SSBP2: variants seen among roughly 807,000 people sequenced by gnomAD.
The protein encoded by SSBP2 is single-stranded DNA-binding protein 2.
In SSBP2, 17 loss-of-function variants were observed where a neutral mutation model predicts 61.8. That is an observed-to-expected ratio of 0.28 (90% CI 0.19 to 0.41). SSBP2 has a LOEUF of 0.41. SSBP2 is among the 10% of genes least tolerant of loss of function. The pLI is 1.00. For synonymous variants in SSBP2, 139 were observed against 141.3 expected, an observed-to-expected ratio of 0.98 and a Z score of 0.12; for missense variants, 310 against 458.7, an observed-to-expected ratio of 0.68 and a Z score of 2.96.
intron 1 of SSBP2, among the ~76,000 whole-genome samples, chr5:81,715,606 C>T (rs1755117760): frequency 1.3e-5 from 2 of 151,968 alleles, no homozygotes; most frequent in Non-Finnish European, 2.9e-5. Flanking sequence ...AAACTGTGTA[C>T]AAGAAAGAAA....
chr5:81,660,976 G>C (rs558805897), intron 1 of SSBP2, among the ~76,000 whole-genome samples: 2 of 152,084 alleles, frequency 1.3e-5, no homozygotes, highest in African/African-American at 4.8e-5. Flanking sequence ...ATGGACACAG[G>C]GAGGAGAACA....
intron 11 of SSBP2, chr5:81,447,927 AGT>A (rs1763507672): frequency 6.6e-6 from 1 of 152,198 alleles, no homozygotes; most frequent in Non-Finnish European, 1.5e-5. Context: ...CTGAACACTA[AGT>A]TCACAGGTCC....
At chr5:81,452,169 TA>T (rs1027942478) in intron 10 of SSBP2, among the ~76,000 whole-genome samples, 1 of 152,178 alleles carries the variant, frequency 6.6e-6, no homozygotes, top group African/African-American at 2.4e-5. Context: ...GTGGGGCTTA[TA>T]GGGGGTTGTG....
chr5:81,687,062 T>A (rs1420390362), intron 1 of SSBP2, among the ~76,000 whole-genome samples: 1 of 152,098 alleles, frequency 6.6e-6, no homozygotes, highest in African/African-American at 2.4e-5. Context: ...TAACAGTACC[T>A]GGTTTTAACT....
At chr5:81,604,265 T>C (rs1238981362) in intron 4 of SSBP2, among the ~76,000 whole-genome samples, 2 of 151,614 alleles carry the variant, frequency 1.3e-5, no homozygotes, top group Admixed American at 1.3e-4. Context: ...CTTTTTTTTT[T>C]TTTTCTACAG....
At chr5:81,577,115 G>A (rs563311728) in intron 4 of SSBP2, among the ~76,000 whole-genome samples, 2 of 152,012 alleles carry the variant, frequency 1.3e-5, no homozygotes, top group Admixed American at 1.3e-4. Context: ...ATTTTTATAT[G>A]TTTACATGTA....
chr5:81,475,272 G>C (rs942029654), intron 6 of SSBP2, among the ~76,000 whole-genome samples: 1 of 151,930 alleles, frequency 6.6e-6, no homozygotes, highest in Non-Finnish European at 1.5e-5. Context: ...CCTGACAACT[G>C]GTGAGAATTT....
chr5:81,444,833 G>T (rs1166333253), intron 12 of SSBP2, among the ~76,000 whole-genome samples: 1 of 151,736 alleles, frequency 6.6e-6, no homozygotes, highest in Non-Finnish European at 1.5e-5. Context: ...GATAAGATTG[G>T]TATTTATGGC....
At chr5:81,638,780 G>A (rs913525927) in intron 2 of SSBP2, among the ~76,000 whole-genome samples, 1 of 152,080 alleles carries the variant, frequency 6.6e-6, no homozygotes, top group African/African-American at 2.4e-5. Flanking sequence ...CTAGGAAAAA[G>A]GAACAATCAG....
intron 10 of SSBP2, among the ~76,000 whole-genome samples, chr5:81,459,349 C>G (rs2153995195): frequency 6.6e-6 from 1 of 152,236 alleles, no homozygotes; most frequent in East Asian, 1.9e-4. Flanking sequence ...CCGCTCAAAC[C>G]CTGTCCACCT....
At chr5:81,627,322 C>T (rs935672672) in intron 3 of SSBP2, among the ~76,000 whole-genome samples, 4 of 152,056 alleles carry the variant, frequency 2.6e-5, no homozygotes, top group Non-Finnish European at 5.9e-5. Context: ...CACTTTTTCT[C>T]CCTTCTCACT....
intron 10 of SSBP2, among the ~76,000 whole-genome samples, chr5:81,457,783 C>T (rs1321765045): frequency 1.3e-5 from 2 of 151,920 alleles, no homozygotes; most frequent in African/African-American, 4.8e-5. Flanking sequence ...TGCCCAGCTT[C>T]CTGAGTAGCT....
chr5:81,570,066 T>C (rs57961056), intron 4 of SSBP2, among the ~76,000 whole-genome samples: 7,656 of 152,258 alleles, frequency 0.05, 630 homozygotes, highest in African/African-American at 0.17. Flanking sequence ...TAAACCCTTA[T>C]AATTAAGTGA....
At chr5:81,533,995 T>C (rs187160439) in intron 4 of SSBP2, among the ~76,000 whole-genome samples, 37 of 152,196 alleles carry the variant, frequency 2.4e-4, no homozygotes, top group Middle Eastern at 3.4e-3. Flanking sequence ...ATTCTGTTCT[T>C]AACAAGGCCT....
In SSBP2 at chr5:81,606,838, C is replaced by CTA. The variant is rs1436680066; in HGVS notation, c.282+8633_282+8634dup. Among the ~76,000 whole-genome samples, 4 of 152,126 alleles carry CTA rather than the reference C, an allele frequency of 2.6e-5. No individual in the cohort carries two copies. In the East Asian group the frequency reaches 7.7e-4, roughly 29 times the overall value. On this transcript the variant is annotated intron_variant, in intron 4 of 16. Coordinates refer to ENST00000320672, the MANE Select transcript of SSBP2 (RefSeq NM_012446.5). ...TATTCCTGGTCTGGAAAAGATAAGG[C>CTA]TATATAGGTAGGTGGCCCATGATAA...
At chr5:81,644,280 T>C (rs887940658) in intron 2 of SSBP2, among the ~76,000 whole-genome samples, 2 of 152,222 alleles carry the variant, frequency 1.3e-5, no homozygotes, top group Admixed American at 6.5e-5. Flanking sequence ...TTTTTGTTTT[T>C]ATTTTTTTGA....
At chr5:81,709,429 C>T (rs1175705813) in intron 1 of SSBP2, among the ~76,000 whole-genome samples, 1 of 151,934 alleles carries the variant, frequency 6.6e-6, no homozygotes, top group Non-Finnish European at 1.5e-5. Flanking sequence ...TAAGCAAATA[C>T]ATAGCTTTTT....
intron 12 of SSBP2, among the ~76,000 whole-genome samples, chr5:81,445,879 A>G (rs537951968): frequency 6.6e-6 from 1 of 152,266 alleles, no homozygotes; most frequent in East Asian, 1.9e-4. Flanking sequence ...TCTACTTTCT[A>G]GATTTGTGTT....
chr5:81,538,524 A>G (rs1035880321), intron 4 of SSBP2, among the ~76,000 whole-genome samples: 3 of 152,224 alleles, frequency 2.0e-5, no homozygotes, highest in Non-Finnish European at 2.9e-5. Flanking sequence ...TTCAGTGTAG[A>G]TGAAACAGCC....
Sources: allele counts gnomAD v4.1 joint callset (sites outside exome capture counted in the v4.1 genomes callset), GRCh38; gene constraint gnomAD v4.1.1; transcripts MANE v1.5; gene names NCBI Gene and HGNC (gene_info 2026-07-23, HGNC 2026-07-21).